Variants in SCFD2 observed in about 807,000 individuals in gnomAD.
SCFD2 encodes the protein sec1 family domain-containing protein 2.
Under a neutral mutation model 58.9 loss-of-function variants are expected in SCFD2, and 54 were observed. The ratio of observed to expected loss-of-function variants is 0.92; its 90% CI spans 0.74 to 1.15. The LOEUF (loss-of-function observed/expected upper bound fraction) is 1.15, where lower values mean the gene tolerates loss of function less well. Ranked by LOEUF, SCFD2 falls within the 50% of genes most tolerant of loss-of-function variation. The pLI is 0.00. For synonymous variants in SCFD2, 321 were observed against 335.9 expected, an observed-to-expected ratio of 0.96 and a Z score of 0.49; for missense variants, 805 against 836.6, an observed-to-expected ratio of 0.96 and a Z score of 0.47.
At chr4:53,239,327 G>A (rs1040948916) in intron 4 of SCFD2, among the ~76,000 whole-genome samples, 9 of 152,052 alleles carry the variant, frequency 5.9e-5, no homozygotes, top group African/African-American at 2.2e-4. Context: ...CTCAGCATGA[G>A]AGGGAGACCG....
chr4:53,127,548 C>T (rs974491993), intron 5 of SCFD2, among the ~76,000 whole-genome samples: 3 of 152,092 alleles, frequency 2.0e-5, no homozygotes, highest in South Asian at 2.1e-4. Flanking sequence ...GTTCACTTTA[C>T]GACACACAAT....
chr4:52,958,877 C>T (rs1720776284), intron 5 of SCFD2, among the ~76,000 whole-genome samples: 1 of 152,162 alleles, frequency 6.6e-6, no homozygotes, highest in Non-Finnish European at 1.5e-5. Flanking sequence ...AGCTGATAAT[C>T]ACTGATAATC....
intron 2 of SCFD2, among the ~76,000 whole-genome samples, chr4:53,316,220 T>G (rs1172523010): frequency 6.6e-6 from 1 of 152,250 alleles, no homozygotes; most frequent in African/African-American, 2.4e-5. Context: ...TTTCCATGTT[T>G]ATTTGTTGTC....
chr4:53,119,245 G>T (rs557941143), intron 5 of SCFD2, among the ~76,000 whole-genome samples: 4 of 151,978 alleles, frequency 2.6e-5, no homozygotes, highest in Non-Finnish European at 5.9e-5. Flanking sequence ...TTGAACCCGG[G>T]AGGCAGAGGT....
chr4:53,182,780 C>G (rs1449770551), intron 4 of SCFD2, among the ~76,000 whole-genome samples: 7 of 151,658 alleles, frequency 4.6e-5, no homozygotes, highest in African/African-American at 1.7e-4. Flanking sequence ...TATCCAGAAT[C>G]TACAATGAAC....
intron 5 of SCFD2, among the ~76,000 whole-genome samples, chr4:53,064,565 G>T (rs754806794): frequency 6.6e-6 from 1 of 152,106 alleles, no homozygotes; most frequent in African/African-American, 2.4e-5. Context: ...GACAATCCAA[G>T]TAACAGTCCT....
intron 8 of SCFD2, among the ~76,000 whole-genome samples, chr4:52,875,034 T>C (rs572733154): frequency 2.0e-5 from 3 of 152,336 alleles, no homozygotes; most frequent in African/African-American, 7.2e-5. Flanking sequence ...ATACGTTTAT[T>C]TTTCCTGCTT....
At chr4:52,899,858 C>T (rs552770051) in intron 7 of SCFD2, among the ~76,000 whole-genome samples, 148 of 152,176 alleles carry the variant, frequency 9.7e-4, no homozygotes, top group African/African-American at 3.4e-3. Flanking sequence ...TCTTTTTATT[C>T]TTTTTTCTCT....
rs192014857 is a variant in SCFD2, at chr4:52,931,820, C to A, written c.1562-10950G>T. 1.6e-3 allele frequency among the ~76,000 whole-genome samples: 249 copies of A among 152,298 alleles called. 5 individuals carry two copies. The highest frequency in any genetic ancestry group is 5.9e-5 in the Non-Finnish European group (4 of 68,022). On this transcript the variant is annotated intron_variant, in intron 5 of 8. Transcript: ENST00000401642. ...GATGGAGGCTGATCCCTCCTGCCCT[C>A]CAGGAAGCATATCTGATGTGCCACT...
At chr4:53,096,119 T>C (rs886457181) in intron 5 of SCFD2, among the ~76,000 whole-genome samples, 4 of 152,210 alleles carry the variant, frequency 2.6e-5, no homozygotes, top group Admixed American at 6.5e-5. Flanking sequence ...CAGTCTATCA[T>C]AGATGGACAT....
At chr4:53,066,192 C>T in intron 5 of SCFD2, among the ~76,000 whole-genome samples, 1 of 152,050 alleles carries the variant, frequency 6.6e-6, no homozygotes, top group East Asian at 1.9e-4. Flanking sequence ...AAACTCTTTA[C>T]CTTATCAAAA....
intron 3 of SCFD2, among the ~76,000 whole-genome samples, chr4:53,301,777 G>A (rs1732309883): frequency 6.6e-6 from 1 of 152,118 alleles, no homozygotes; most frequent in Admixed American, 6.5e-5. Flanking sequence ...TTCATCCCTG[G>A]GATGCAAGGT....
intron 4 of SCFD2, among the ~76,000 whole-genome samples, chr4:53,234,573 T>C (rs561138629): frequency 3.9e-5 from 6 of 152,220 alleles, no homozygotes; most frequent in Admixed American, 3.9e-4. Context: ...ATTCCTAATG[T>C]TCTTTATCTG....
At chr4:53,177,745 T>C (rs555167592) in intron 4 of SCFD2, among the ~76,000 whole-genome samples, 1 of 152,282 alleles carries the variant, frequency 6.6e-6, no homozygotes. Context: ...GGGAATTCCC[T>C]TTCCTAGTCA....
chr4:53,246,935 G>C (rs1266639427), intron 4 of SCFD2, among the ~76,000 whole-genome samples: 10 of 144,670 alleles, frequency 6.9e-5, no homozygotes, highest in Non-Finnish European at 1.3e-4. Flanking sequence ...AAAAATTTTT[G>C]CAAACTATGG....
intron 4 of SCFD2, among the ~76,000 whole-genome samples, chr4:53,199,947 AGAGAGT>A (rs1266600527): frequency 6.6e-6 from 1 of 150,656 alleles, no homozygotes; most frequent in African/African-American, 2.5e-5. Flanking sequence ...GAAGAGCAAG[AGAGAGT>A]GAGAGTGAGA....
chr4:53,200,216 T>C (rs1728186552), intron 4 of SCFD2, among the ~76,000 whole-genome samples: 1 of 152,128 alleles, frequency 6.6e-6, no homozygotes, highest in Non-Finnish European at 1.5e-5. Context: ...ACTCATGTAA[T>C]AATCCTTCTT....
chr4:53,123,176 T>C (rs1725530213), intron 5 of SCFD2, among the ~76,000 whole-genome samples: 1 of 152,148 alleles, frequency 6.6e-6, no homozygotes, highest in Admixed American at 6.5e-5. Context: ...TATTGCAAGG[T>C]ATGTTTCTGT....
At chr4:53,344,751 T>G (rs1216932073) in intron 2 of SCFD2, among the ~76,000 whole-genome samples, 6 of 151,982 alleles carry the variant, frequency 3.9e-5, no homozygotes, top group Non-Finnish European at 7.4e-5. Flanking sequence ...CCAAAACAGA[T>G]ATATAGACCA....
Sources: allele counts gnomAD v4.1 joint callset (sites outside exome capture counted in the v4.1 genomes callset), GRCh38; gene constraint gnomAD v4.1.1; transcripts MANE v1.5; gene names NCBI Gene and HGNC (gene_info 2026-07-23, HGNC 2026-07-21).